The following GPC5 variants were observed in gnomAD, a reference collection of about 807,000 sequenced individuals.
The protein encoded by GPC5 is glypican-5.
A neutral mutation model predicts 53.9 loss-of-function variants in GPC5; 47 were observed. The observed-to-expected ratio is 0.87, with a 90% confidence interval of 0.69 to 1.11. The LOEUF (loss-of-function observed/expected upper bound fraction) is 1.11, where lower values mean the gene tolerates loss of function less well. Among genes scored for constraint, GPC5 ranks in the 50% most tolerant of loss-of-function variants. The pLI, the probability that GPC5 is intolerant of heterozygous loss-of-function variation, is 0.00. For synonymous variants in GPC5, 286 were observed against 263.3 expected, an observed-to-expected ratio of 1.09 and a Z score of -0.84; for missense variants, 748 against 713.1, an observed-to-expected ratio of 1.05 and a Z score of -0.56.
At chr13:92,351,729 GT>G (rs2043479445) in intron 7 of GPC5, among the ~76,000 whole-genome samples, 1 of 152,000 alleles carries the variant, frequency 6.6e-6, no homozygotes, top group Admixed American at 6.6e-5. Context: ...AAACTAGAAA[GT>G]TTAATTAAAG....
At chr13:92,344,915 T>C (rs1330430531) in intron 7 of GPC5, among the ~76,000 whole-genome samples, 1 of 152,174 alleles carries the variant, frequency 6.6e-6, no homozygotes, top group East Asian at 1.9e-4. Flanking sequence ...TATGAGAATA[T>C]GAGTAAACAG....
At chr13:92,266,784 A>C (rs992837366) in intron 7 of GPC5, among the ~76,000 whole-genome samples, 1 of 151,318 alleles carries the variant, frequency 6.6e-6, no homozygotes, top group Non-Finnish European at 1.5e-5. Context: ...TTTTAGTTTT[A>C]AGAAATGAAG....
At chr13:92,239,285 A>G (rs2042592382) in intron 7 of GPC5, among the ~76,000 whole-genome samples, 1 of 151,946 alleles carries the variant, frequency 6.6e-6, no homozygotes, top group African/African-American at 2.4e-5. Context: ...GAATCTGTCA[A>G]TAAATAGGAG....
rs190344109 is a variant in GPC5 at position 92,262,555 on chromosome 13, A to C, written c.1561+117566A>C. On this transcript the variant is annotated intron_variant, in intron 7 of 7. Transcript: ENST00000377067. ...ATTTAGCATTAATGCCATGCATTTG[A>C]GCTCACGTGTTTTCAGTGCATACTT... Among the ~76,000 whole-genome samples, 133 of 152,264 alleles carry C rather than the reference A, an allele frequency of 8.7e-4. No individual in the cohort carries two copies. The East Asian group carries it at 0.011, about 13-fold the overall frequency.
intron 7 of GPC5, among the ~76,000 whole-genome samples, chr13:92,758,523 A>C (rs1251774044): frequency 1.3e-5 from 2 of 152,162 alleles, no homozygotes; most frequent in Non-Finnish European, 2.9e-5. Context: ...GTGGGAAAAA[A>C]TGTGTGATTA....
At chr13:92,542,941 A>G (rs1881977129) in intron 7 of GPC5, among the ~76,000 whole-genome samples, 1 of 151,930 alleles carries the variant, frequency 6.6e-6, no homozygotes, top group Non-Finnish European at 1.5e-5. Flanking sequence ...GTTTGACTAT[A>G]TTATGCCCCA....
intron 5 of GPC5, among the ~76,000 whole-genome samples, chr13:91,829,487 T>G (rs2038622917): frequency 6.6e-6 from 1 of 152,098 alleles, no homozygotes; most frequent in Non-Finnish European, 1.5e-5. Context: ...AATTATTGTG[T>G]GATTGAATAT....
intron 6 of GPC5, among the ~76,000 whole-genome samples, chr13:91,983,072 G>A (rs1258502227): frequency 6.6e-6 from 1 of 151,816 alleles, no homozygotes; most frequent in Non-Finnish European, 1.5e-5. Context: ...GGTGCCGGTC[G>A]CGGTGGCTCA....
chr13:91,616,587 A>G (rs1448671986), intron 2 of GPC5, among the ~76,000 whole-genome samples: 1 of 152,058 alleles, frequency 6.6e-6, no homozygotes, highest in Non-Finnish European at 1.5e-5. Context: ...TGCTGAATTT[A>G]ATTGTTTATC....
At chr13:91,669,725 G>T (rs530313869) in intron 2 of GPC5, among the ~76,000 whole-genome samples, 1 of 152,204 alleles carries the variant, frequency 6.6e-6, no homozygotes, top group South Asian at 2.1e-4. Context: ...TGTATTAATT[G>T]TCCATAGAAG....
intron 7 of GPC5, among the ~76,000 whole-genome samples, chr13:92,472,443 A>G (rs985520623): frequency 8.5e-5 from 13 of 152,120 alleles, no homozygotes; most frequent in Non-Finnish European, 1.3e-4. Flanking sequence ...CAATGTTTCA[A>G]TAAGTATCCA....
chr13:92,493,611 T>G (rs774367410), intron 7 of GPC5, among the ~76,000 whole-genome samples: 3 of 152,228 alleles, frequency 2.0e-5, no homozygotes, highest in Non-Finnish European at 2.9e-5. Context: ...AGGTCTGTCT[T>G]CAAGATATCT....
chr13:91,921,233 G>A (rs376023676), intron 6 of GPC5, among the ~76,000 whole-genome samples: 5 of 151,944 alleles, frequency 3.3e-5, no homozygotes, highest in Non-Finnish European at 4.4e-5. Context: ...CGTCACTCCC[G>A]GACCAATTTT....
At chr13:92,119,388 T>C (rs2041626889) in intron 6 of GPC5, among the ~76,000 whole-genome samples, 1 of 135,090 alleles carries the variant, frequency 7.4e-6, no homozygotes, top group Non-Finnish European at 1.6e-5. Flanking sequence ...ATTAGGATTT[T>C]AGTTTTTTTT....
chr13:92,632,521 C>T lies in GPC5; in HGVS notation c.1562-233761C>T, dbSNP rs578115993. 1.2e-4 allele frequency among the ~76,000 whole-genome samples: 18 copies of T among 147,928 alleles called. No individual in the cohort carries two copies. In the South Asian group the frequency reaches 3.8e-3, roughly 31 times the overall value. On this transcript the variant is annotated intron_variant, in intron 7 of 7. Coordinates refer to ENST00000377067, the MANE Select transcript of GPC5 (RefSeq NM_004466.6). ...ATATGCACACACACATATACATACACACACACAAGCTACCTGTATAGTTTA... is the reference window on the plus strand; with the variant it reads ...ATATGCACACACACATATACATACATACACACAAGCTACCTGTATAGTTTA...
chr13:91,716,905 G>A (rs960611536), intron 3 of GPC5, among the ~76,000 whole-genome samples: 14 of 152,162 alleles, frequency 9.2e-5, no homozygotes, highest in Non-Finnish European at 1.6e-4. Context: ...ATTCATTTGC[G>A]TAAATGGCTA....
intron 6 of GPC5, among the ~76,000 whole-genome samples, chr13:92,065,251 A>G (rs2041159003): frequency 2.0e-5 from 3 of 152,180 alleles, no homozygotes; most frequent in African/African-American, 4.8e-5. Context: ...TCTCCAGAAA[A>G]TAAATGAGAC....
chr13:92,445,952 A>G (rs1877804286), intron 7 of GPC5, among the ~76,000 whole-genome samples: 1 of 151,792 alleles, frequency 6.6e-6, no homozygotes, highest in Non-Finnish European at 1.5e-5. Flanking sequence ...TTTTTTTTAA[A>G]TTTTTAATTT....
intron 7 of GPC5, among the ~76,000 whole-genome samples, chr13:92,739,719 GAAAAAAAA>G (rs141615200): frequency 1.6e-5 from 2 of 126,186 alleles, no homozygotes; most frequent in South Asian, 6.3e-4. Context: ...AAAAAAAAAA[GAAAAAAAA>G]AGAGAGAGAG....
Sources: allele counts gnomAD v4.1 joint callset (sites outside exome capture counted in the v4.1 genomes callset), GRCh38; gene constraint gnomAD v4.1.1; transcripts MANE v1.5; gene names NCBI Gene and HGNC (gene_info 2026-07-23, HGNC 2026-07-21).